Variants in KATNAL2 observed in about 807,000 individuals in gnomAD.
KATNAL2 encodes katanin catalytic subunit A1 like 2.
In KATNAL2, 52 loss-of-function variants were observed where a neutral mutation model predicts 76.3. The ratio of observed to expected loss-of-function variants is 0.68; its 90% CI spans 0.55 to 0.86. KATNAL2 has a LOEUF of 0.86. Among genes scored for constraint, KATNAL2 ranks in the 40% least tolerant of loss-of-function variants. The pLI is 0.00. For synonymous variants in KATNAL2, 243 were observed against 244.2 expected, an observed-to-expected ratio of 1.00 and a Z score of 0.05; for missense variants, 660 against 668.9, an observed-to-expected ratio of 0.99 and a Z score of 0.15.
chr18:47,088,723 C>A (rs2062879364), intron 15 of KATNAL2, among the ~76,000 whole-genome samples: 1 of 152,148 alleles, frequency 6.6e-6, no homozygotes, highest in South Asian at 2.1e-4. Context: ...GCCACCACAC[C>A]CGGCTAGTGT....
intron 3 of KATNAL2, among the ~76,000 whole-genome samples, chr18:47,031,635 A>C (rs7244226): frequency 0.031 from 4,695 of 152,246 alleles, 210 homozygotes; most frequent in African/African-American, 0.1. Context: ...GCAATTCTTC[A>C]GAGCTAGAAT....
At chr18:46,931,323 A>G (rs1055464103) in intron 1 of KATNAL2, among the ~76,000 whole-genome samples, 12 of 151,020 alleles carry the variant, frequency 7.9e-5, no homozygotes, top group Non-Finnish European at 1.5e-5. Context: ...AAATAAATCA[A>G]AATAAAATAA....
intron 15 of KATNAL2, among the ~76,000 whole-genome samples, chr18:47,097,118 C>CAAAAAAAAAAA (rs58101085): frequency 1.1e-4 from 8 of 70,906 alleles, no homozygotes; most frequent in East Asian, 6.9e-4. Context: ...GACCCTGGCT[C>CAAAAAAAAAAA]AAAAAAAAAA....
intron 3 of KATNAL2, among the ~76,000 whole-genome samples, chr18:46,957,318 G>A (rs1472223269): frequency 4.8e-5 from 7 of 144,444 alleles, no homozygotes; most frequent in Admixed American, 2.1e-4. Flanking sequence ...CAGTGGCGCG[G>A]TCTCGGCTCA....
intron 3 of KATNAL2, among the ~76,000 whole-genome samples, chr18:46,961,936 G>C (rs567383459): frequency 6.6e-6 from 1 of 152,314 alleles, no homozygotes; most frequent in African/African-American, 2.4e-5. Context: ...AAGTTTTTAA[G>C]AGCTACACAC....
chr18:47,031,374 G>T (rs1055086238), intron 3 of KATNAL2, among the ~76,000 whole-genome samples: 1 of 151,840 alleles, frequency 6.6e-6, no homozygotes, highest in Non-Finnish European at 1.5e-5. Flanking sequence ...TGGCAGTTTC[G>T]CGTAATTTTT....
chr18:46,938,679 T>C (rs1022678664), intron 1 of KATNAL2, among the ~76,000 whole-genome samples: 6 of 152,176 alleles, frequency 3.9e-5, no homozygotes, highest in Admixed American at 3.3e-4. Context: ...TAATATTTTA[T>C]AAATATAAAT....
chr18:46,961,406 T>C (rs935226128), intron 3 of KATNAL2, among the ~76,000 whole-genome samples: 4 of 152,210 alleles, frequency 2.6e-5, no homozygotes, highest in South Asian at 4.1e-4. Flanking sequence ...TCTCTGTACA[T>C]GATAGAGTGA....
At chr18:46,928,003 CT>C (rs1392587421) in intron 1 of KATNAL2, among the ~76,000 whole-genome samples, 1 of 151,994 alleles carries the variant, frequency 6.6e-6, no homozygotes, top group East Asian at 1.9e-4. Flanking sequence ...TTTTTCAAAG[CT>C]TTTAACTTCT....
intron 3 of KATNAL2, chr18:47,033,727 G>T: frequency 1.2e-6 from 2 of 1,614,160 alleles, no homozygotes; most frequent in South Asian, 1.1e-5. Flanking sequence ...CGAGTACACC[G>T]GCATCTTAGC....
chr18:47,048,406 C>G (rs1364208544), intron 4 of KATNAL2, among the ~76,000 whole-genome samples: 1 of 152,170 alleles, frequency 6.6e-6, no homozygotes, highest in Non-Finnish European at 1.5e-5. Flanking sequence ...CATTGTTTCT[C>G]TTACCCATGC....
At chr18:47,055,292 C>T (rs1569087862) in intron 6 of KATNAL2, among the ~76,000 whole-genome samples, 1 of 152,206 alleles carries the variant, frequency 6.6e-6, no homozygotes, top group Non-Finnish European at 1.5e-5. Flanking sequence ...TGGAAAGACA[C>T]AGCCATCCAA....
rs1430025948 is a variant in KATNAL2 at position 47,100,645 on chromosome 18, C to T, written c.1478-221C>T. Among the ~76,000 whole-genome samples the T allele has an allele frequency of 2.0e-5, 3 of 152,092 alleles. No homozygotes were observed. In the South Asian group the frequency reaches 6.2e-4, roughly 32 times the overall value. On this transcript the variant is annotated intron_variant, in intron 17 of 17. Transcript: ENST00000683218. Reference sequence around the variant, plus strand: ...ATAAATATTAAATAATACCTGGTAACGATACATTTAGGTCACATTTTTTTG... The same window carrying T: ...ATAAATATTAAATAATACCTGGTAATGATACATTTAGGTCACATTTTTTTG...
In KATNAL2 at chr18:46,925,388, TG is replaced by T. The variant is rs567463335; in HGVS notation, c.-510+7463del. On this transcript the variant is annotated intron_variant, in intron 1 of 17. Transcript: ENST00000683218. ...TGTTTATATGTTGGATTACATTCATTGATTTGCATATGTTGAACCAGCCTTG... is the reference window on the plus strand; with the variant it reads ...TGTTTATATGTTGGATTACATTCATTATTTGCATATGTTGAACCAGCCTTG... 3.0e-3 allele frequency among the ~76,000 whole-genome samples: 458 copies of T among 152,348 alleles called. 2 individuals are homozygous for T. Among genetic ancestry groups the T allele is most frequent in the African/African-American group, 0.01 (430 of 41,582 alleles).
chr18:47,039,202 G>T (rs2060878932), intron 3 of KATNAL2, among the ~76,000 whole-genome samples: 1 of 151,784 alleles, frequency 6.6e-6, no homozygotes, highest in Non-Finnish European at 1.5e-5. Flanking sequence ...TCTTTTCTCT[G>T]CCCCTCTCCC....
chr18:47,033,363 G>C (rs780403979), intron 3 of KATNAL2: 3 of 1,614,138 alleles, frequency 1.9e-6, no homozygotes, highest in East Asian at 2.2e-5. Flanking sequence ...CTCTGCCGTT[G>C]GGGTTGTTTC....
At chr18:47,073,317 A>G (rs1403236834) in intron 13 of KATNAL2, among the ~76,000 whole-genome samples, 1 of 152,246 alleles carries the variant, frequency 6.6e-6, no homozygotes, top group African/African-American at 2.4e-5. Context: ...AAAGGTTTAG[A>G]AAATATTTAT....
At chr18:47,077,610 A>T (rs2062299819) in intron 15 of KATNAL2, 149 bp downstream of exon 15, 1 of 617,630 alleles carries the variant, frequency 1.6e-6, no homozygotes, top group South Asian at 1.9e-5. Context: ...TCAGGTCCCC[A>T]ATCCTTGCTG....
intron 1 of KATNAL2, among the ~76,000 whole-genome samples, chr18:46,941,588 T>G (rs114456452): frequency 0.013 from 1,995 of 152,304 alleles, 42 homozygotes; most frequent in African/African-American, 0.044. Flanking sequence ...CGTATCCACC[T>G]AATAGTATAA....
Sources: gnomAD v4.1 joint callset for allele counts (sites outside exome capture counted in the v4.1 genomes callset) on GRCh38, gnomAD v4.1.1 for gene constraint, MANE v1.5 for transcripts, NCBI Gene and HGNC (gene_info 2026-07-23, HGNC 2026-07-21) for gene names.